The following SNTG1 variants were observed in gnomAD, a reference collection of about 807,000 sequenced individuals.
The protein encoded by SNTG1 is syntrophin gamma 1.
Under a neutral mutation model 74.7 loss-of-function variants are expected in SNTG1, and 39 were observed. The ratio of observed to expected loss-of-function variants is 0.52; its 90% CI spans 0.40 to 0.68. The LOEUF is 0.68. SNTG1 is among the 30% of genes least tolerant of loss of function. SNTG1 has a pLI of 0.00. For synonymous variants in SNTG1, 254 were observed against 217.1 expected (o/e 1.17, Z -1.49); for missense variants, 685 against 609.5 (o/e 1.12, Z -1.30).
chr8:50,725,719 T>C (rs2095498484), intron 17 of SNTG1, among the ~76,000 whole-genome samples: 1 of 152,220 alleles, frequency 6.6e-6, no homozygotes. Context: ...ATACTTCCCC[T>C]GCAATAGACC....
chr8:49,970,324 G>A (rs1023757489), intron 1 of SNTG1, among the ~76,000 whole-genome samples: 19 of 152,188 alleles, frequency 1.2e-4, no homozygotes, highest in African/African-American at 4.1e-4. Flanking sequence ...ACTGAAATAT[G>A]TTGCTTTGTT....
At chr8:50,753,284 T>C (rs2095572198) in intron 18 of SNTG1, among the ~76,000 whole-genome samples, 1 of 152,018 alleles carries the variant, frequency 6.6e-6, no homozygotes, top group Non-Finnish European at 1.5e-5. Flanking sequence ...TGCCAACCAC[T>C]TATTTTGATA....
intron 1 of SNTG1, among the ~76,000 whole-genome samples, chr8:50,065,845 A>T (rs921842710): frequency 6.6e-6 from 1 of 152,170 alleles, no homozygotes; most frequent in African/African-American, 2.4e-5. Context: ...CAAGGTGTAG[A>T]TATCTTCCTA....
intron 1 of SNTG1, among the ~76,000 whole-genome samples, chr8:49,964,062 T>C (rs923135588): frequency 1.3e-5 from 2 of 152,240 alleles, no homozygotes; most frequent in African/African-American, 4.8e-5. Context: ...TAGTAGGCAC[T>C]CAGTGTGATT....
intron 8 of SNTG1, among the ~76,000 whole-genome samples, chr8:50,465,304 T>TCCCACTC (rs1157829494): frequency 6.6e-6 from 1 of 152,178 alleles, no homozygotes; most frequent in East Asian, 1.9e-4. Context: ...GGAAACAATT[T>TCCCACTC]TATCAGGTAG....
intron 13 of SNTG1, among the ~76,000 whole-genome samples, chr8:50,654,204 A>T (rs1360712516): frequency 6.6e-6 from 1 of 151,608 alleles, no homozygotes; most frequent in African/African-American, 2.4e-5. Context: ...TTGGGTTGGG[A>T]CTCAAGTTTG....
At chr8:49,997,818 C>T (rs974666527) in intron 1 of SNTG1, among the ~76,000 whole-genome samples, 1 of 152,122 alleles carries the variant, frequency 6.6e-6, no homozygotes, top group African/African-American at 2.4e-5. Flanking sequence ...ATTGTTTCAT[C>T]TGGTTTCATG....
chr8:50,250,618 C>G (rs1315571139), intron 2 of SNTG1, among the ~76,000 whole-genome samples: 1 of 152,078 alleles, frequency 6.6e-6, no homozygotes, highest in Non-Finnish European at 1.5e-5. Context: ...CAGCATATCT[C>G]TCAGCAGAAT....
chr8:50,722,306 C>T (rs2095489758), intron 17 of SNTG1, among the ~76,000 whole-genome samples: 1 of 152,018 alleles, frequency 6.6e-6, no homozygotes, highest in Non-Finnish European at 1.5e-5. Context: ...TCCCGAGTAG[C>T]TGGGACTACA....
At chr8:50,254,831 C>T (rs570005892) in intron 2 of SNTG1, among the ~76,000 whole-genome samples, 9 of 138,914 alleles carry the variant, frequency 6.5e-5, no homozygotes, top group South Asian at 4.8e-4. Context: ...CCAGCCTGGG[C>T]GACAGAGCGA....
intron 1 of SNTG1, among the ~76,000 whole-genome samples, chr8:50,055,901 A>G (rs1254862716): frequency 1.3e-5 from 2 of 152,122 alleles, no homozygotes; most frequent in Admixed American, 6.6e-5. Context: ...TTTCTTAAGA[A>G]AATATATGTT....
At position 50,167,686 on chromosome 8, in the gene SNTG1, G is replaced by A. The variant is rs139618166; in HGVS notation, c.-102-4875G>A. Among the ~76,000 whole-genome samples, 75 of 151,130 alleles carry A rather than the reference G, an allele frequency of 5.0e-4. 1 individual carries two copies. The highest frequency in any genetic ancestry group is 3.3e-3 in the East Asian group (17 of 5,152). ...AAATTGGCCAGACATGGTGGCATGC[G>A]CCTGTAGTCCCAGCTATTCAGGAAG... On this transcript the variant is annotated intron_variant, in intron 1 of 18. Transcript: ENST00000642720.
chr8:50,173,227 G>A (rs1020786229), intron 2 of SNTG1, among the ~76,000 whole-genome samples: 2 of 152,292 alleles, frequency 1.3e-5, no homozygotes, highest in East Asian at 3.9e-4. Context: ...GATGCAGGTG[G>A]ATCAATGACC....
intron 2 of SNTG1, among the ~76,000 whole-genome samples, chr8:50,291,758 AG>A (rs1180744233): frequency 3.3e-5 from 5 of 152,210 alleles, no homozygotes; most frequent in Admixed American, 2.6e-4. Context: ...GGGGTGACAT[AG>A]CAATCTGACT....
chr8:49,929,280 C>A (rs929079911), intron 1 of SNTG1, among the ~76,000 whole-genome samples: 1 of 152,148 alleles, frequency 6.6e-6, no homozygotes, highest in Non-Finnish European at 1.5e-5. Context: ...GGGATTCATT[C>A]CTCTCCTGAG....
chr8:50,707,465 T>TTA lies in SNTG1; in HGVS notation c.1192-1421_1192-1420insTA, dbSNP rs752574136. ...AGTATGTTCTTTAGTCTGCTTTTTT[T>TTA]AAAAAAATGTAACTCTAAAAGAATA... On this transcript the variant is annotated intron_variant, in intron 16 of 18. Transcript: ENST00000642720. 1.4e-3 allele frequency among the ~76,000 whole-genome samples: 207 copies of TTA among 152,236 alleles called. 1 individual carries two copies. Among genetic ancestry groups the TTA allele is most frequent in the African/African-American group, 4.6e-3 (193 of 41,552 alleles).
At chr8:49,985,509 G>C (rs1029740125) in intron 1 of SNTG1, among the ~76,000 whole-genome samples, 3 of 152,118 alleles carry the variant, frequency 2.0e-5, no homozygotes, top group African/African-American at 7.2e-5. Flanking sequence ...ACAATATTAA[G>C]TTGTGATACC....
At chr8:50,657,056 T>C in intron 14 of SNTG1, 31 bp downstream of exon 14, 1 of 1,315,296 alleles carries the variant, frequency 7.6e-7, no homozygotes, top group Non-Finnish European at 1.0e-6. Context: ...TATTGGTCGT[T>C]TCCATATTAT....
intron 2 of SNTG1, among the ~76,000 whole-genome samples, chr8:50,185,367 T>C (rs1201757659): frequency 3.9e-5 from 6 of 152,176 alleles, no homozygotes; most frequent in Admixed American, 1.3e-4. Context: ...GAACTGTGAG[T>C]CGATTAAACC....
Sources: allele counts gnomAD v4.1 joint callset (sites outside exome capture counted in the v4.1 genomes callset), GRCh38; gene constraint gnomAD v4.1.1; transcripts MANE v1.5; gene names NCBI Gene and HGNC (gene_info 2026-07-23, HGNC 2026-07-21).